Variants in B3GALT1 observed in about 807,000 individuals in gnomAD.
B3GALT1 encodes beta-1,3-galactosyltransferase 1, also known as UDP-Gal:betaGlcNAc beta 1,3-galactosyltransferase, polypeptide 1.
Under a neutral mutation model 23.2 loss-of-function variants are expected in B3GALT1, and 10 were observed. That is an observed-to-expected ratio of 0.43 (90% confidence interval 0.27 to 0.73). The LOEUF is 0.73. Among genes scored for constraint, B3GALT1 ranks in the 30% least tolerant of loss-of-function variants. B3GALT1 has a pLI of 0.21. For synonymous variants in B3GALT1, 156 were observed against 141.5 expected (o/e 1.10, Z -0.73); for missense variants, 299 against 405.4 (o/e 0.74, Z 2.25).
intron 1 of B3GALT1, among the ~76,000 whole-genome samples, chr2:167,346,034 ATTT>A (rs531111570): frequency 0.014 from 2,059 of 146,132 alleles, 54 homozygotes; most frequent in East Asian, 0.047. Flanking sequence ...TATTTGTTGG[ATTT>A]TTTTTTTTTC....
chr2:167,729,241 C>T (rs1363020081), intron 3 of B3GALT1, among the ~76,000 whole-genome samples: 32 of 152,166 alleles, frequency 2.1e-4, no homozygotes, highest in Non-Finnish European at 2.9e-5. Flanking sequence ...GTTGAATGAG[C>T]AGGTGAGGAC....
chr2:167,665,832 G>A (rs752835249), intron 3 of B3GALT1, among the ~76,000 whole-genome samples: 6 of 136,580 alleles, frequency 4.4e-5, no homozygotes, highest in Non-Finnish European at 7.4e-5. Flanking sequence ...TTTTTATTGT[G>A]TCTATTTGAT....
chr2:167,684,555 A>G (rs1429570465), intron 3 of B3GALT1, among the ~76,000 whole-genome samples: 1 of 152,222 alleles, frequency 6.6e-6, no homozygotes, highest in African/African-American at 2.4e-5. Flanking sequence ...CATGAGTCCA[A>G]AAAGATAGTC....
chr2:167,294,082 T>G (rs1489633820), intron 1 of B3GALT1, among the ~76,000 whole-genome samples: 1 of 152,176 alleles, frequency 6.6e-6, no homozygotes, highest in Non-Finnish European at 1.5e-5. Context: ...CGGCTCCTCC[T>G]GCCTGGTGGC....
At chr2:167,337,383 T>TGCACAC (rs1268978461) in intron 1 of B3GALT1, among the ~76,000 whole-genome samples, 2 of 151,786 alleles carry the variant, frequency 1.3e-5, no homozygotes, top group African/African-American at 4.8e-5. Flanking sequence ...TACACACACA[T>TGCACAC]GCACACGCAC....
intron 3 of B3GALT1, among the ~76,000 whole-genome samples, chr2:167,666,865 A>C (rs1045534165): frequency 2.0e-5 from 3 of 152,190 alleles, no homozygotes; most frequent in Admixed American, 1.3e-4. Flanking sequence ...AGATGGGTTT[A>C]CTGAATACAG....
At position 167,601,960 on chromosome 2, in the gene B3GALT1, C is replaced by T. The variant is rs78368770; in HGVS notation, c.-409-44949C>T. Among the ~76,000 whole-genome samples the T allele has an allele frequency of 1.3e-3, 196 of 152,214 alleles. 1 individual carries two copies. In the East Asian group the frequency reaches 0.034, roughly 27 times the overall value. Reference sequence around the variant, plus strand: ...TGGTGACCTTCAAAGTTCTTTTTATCACAGTCCAAAATAAGAAATATGTTT... The same window carrying T: ...TGGTGACCTTCAAAGTTCTTTTTATTACAGTCCAAAATAAGAAATATGTTT... On this transcript the variant is annotated intron_variant, in intron 2 of 4. Transcript: ENST00000392690.
chr2:167,712,007 G>A (rs1687054821), intron 3 of B3GALT1, among the ~76,000 whole-genome samples: 1 of 152,100 alleles, frequency 6.6e-6, no homozygotes, highest in Non-Finnish European at 1.5e-5. Flanking sequence ...GAAATACAAT[G>A]CAAAACTTAT....
chr2:167,553,986 A>G (rs912437741), intron 2 of B3GALT1, among the ~76,000 whole-genome samples: 1 of 152,194 alleles, frequency 6.6e-6, no homozygotes, highest in Non-Finnish European at 1.5e-5. Context: ...AAGCATTTCA[A>G]CCGTACCTGA....
chr2:167,778,175 G>A (rs1283200630), intron 3 of B3GALT1, among the ~76,000 whole-genome samples: 1 of 152,132 alleles, frequency 6.6e-6, no homozygotes, highest in Admixed American at 6.6e-5. Flanking sequence ...ATGAACATTT[G>A]CAGTTAGAGA....
chr2:167,523,645 G>A (rs1299436425), intron 2 of B3GALT1, among the ~76,000 whole-genome samples: 2 of 152,042 alleles, frequency 1.3e-5, no homozygotes, highest in Admixed American at 1.3e-4. Context: ...GGCTGGTCTC[G>A]AACACCTAAC....
At chr2:167,667,512 G>C (rs572109388) in intron 3 of B3GALT1, among the ~76,000 whole-genome samples, 1 of 152,056 alleles carries the variant, frequency 6.6e-6, no homozygotes, top group African/African-American at 2.4e-5. Flanking sequence ...TGCTAGATTG[G>C]GGAAGTTCTC....
At chr2:167,602,252 G>A (rs1414701292) in intron 2 of B3GALT1, among the ~76,000 whole-genome samples, 1 of 152,150 alleles carries the variant, frequency 6.6e-6, no homozygotes, top group Non-Finnish European at 1.5e-5. Context: ...TGGAGAAACA[G>A]CAGTGTACAG....
intron 1 of B3GALT1, among the ~76,000 whole-genome samples, chr2:167,315,743 C>T (rs1390331112): frequency 6.6e-6 from 1 of 152,142 alleles, no homozygotes; most frequent in East Asian, 1.9e-4. Flanking sequence ...ACTTCACAGT[C>T]TTCATGTTTA....
intron 3 of B3GALT1, among the ~76,000 whole-genome samples, chr2:167,733,153 C>G (rs1687433912): frequency 6.6e-6 from 1 of 152,076 alleles, no homozygotes; most frequent in Non-Finnish European, 1.5e-5. Context: ...TTCTTACTAG[C>G]AGGATGTCTA....
intron 1 of B3GALT1, among the ~76,000 whole-genome samples, chr2:167,319,310 C>T (rs1696766549): frequency 6.6e-6 from 1 of 152,094 alleles, no homozygotes. Flanking sequence ...TTTCCTCACT[C>T]TAGTTTACAT....
chr2:167,849,822 G>A (rs1338809389), intron 4 of B3GALT1, among the ~76,000 whole-genome samples: 11 of 151,096 alleles, frequency 7.3e-5, no homozygotes, highest in Non-Finnish European at 1.2e-4. Context: ...CCCGGGAGGC[G>A]GAGCTTGCAG....
chr2:167,420,731 T>A (rs1393186565), intron 1 of B3GALT1, among the ~76,000 whole-genome samples: 1 of 152,198 alleles, frequency 6.6e-6, no homozygotes, highest in African/African-American at 2.4e-5. Flanking sequence ...TTTTATCAGT[T>A]GCACCTAGAC....
intron 4 of B3GALT1, among the ~76,000 whole-genome samples, chr2:167,829,800 C>T (rs1052067333): frequency 5.3e-5 from 8 of 151,980 alleles, no homozygotes; most frequent in African/African-American, 1.2e-4. Flanking sequence ...CTGAGATGCG[C>T]GGAGAATGGG....
Sources: allele counts gnomAD v4.1 joint callset (sites outside exome capture counted in the v4.1 genomes callset), GRCh38; gene constraint gnomAD v4.1.1; transcripts MANE v1.5; gene names NCBI Gene and HGNC (gene_info 2026-07-23, HGNC 2026-07-21).